The following ADIPOR2 variants were observed in gnomAD, a reference collection of about 807,000 sequenced individuals.
ADIPOR2 encodes the protein adiponectin receptor protein 2.
Under a neutral mutation model 40.9 loss-of-function variants are expected in ADIPOR2, and 18 were observed. That is an observed-to-expected ratio of 0.44 (90% CI 0.30 to 0.65). The LOEUF is 0.65. ADIPOR2 is among the 30% of genes least tolerant of loss of function. The probability of loss-of-function intolerance (pLI) is 0.09; values close to 1 mark genes in which losing one functional copy is unlikely to be tolerated. For missense variants in ADIPOR2, 283 were observed against 479.2 expected, an observed-to-expected ratio of 0.59 and a Z score of 3.82; for synonymous variants, 165 against 166.4, an observed-to-expected ratio of 0.99 and a Z score of 0.06.
chr12:1,779,542 C>T (rs1862672063), intron 4 of ADIPOR2, among the ~76,000 whole-genome samples: 1 of 150,492 alleles, frequency 6.6e-6, no homozygotes. Context: ...ACAGCAGATA[C>T]AGTACTTCTG....
intron 1 of ADIPOR2, among the ~76,000 whole-genome samples, chr12:1,712,807 G>A (rs566684906): frequency 3.2e-4 from 49 of 152,240 alleles, no homozygotes; most frequent in African/African-American, 1.0e-3. Context: ...CTTAGGGCGA[G>A]GATAAGCCAG....
intron 3 of ADIPOR2, among the ~76,000 whole-genome samples, chr12:1,773,895 A>T (rs1862536360): frequency 6.6e-6 from 1 of 152,148 alleles, no homozygotes; most frequent in Non-Finnish European, 1.5e-5. Flanking sequence ...ATTACTTTGG[A>T]CCAGGGTATG....
chr12:1,695,561 G>A (rs1332698259), intron 1 of ADIPOR2, among the ~76,000 whole-genome samples: 2 of 151,472 alleles, frequency 1.3e-5, no homozygotes, highest in Non-Finnish European at 2.9e-5. Flanking sequence ...TACTCAGGAG[G>A]CTGAGGCAGG....
At chr12:1,732,700 G>T (rs2094722899) in intron 1 of ADIPOR2, among the ~76,000 whole-genome samples, 2 of 151,910 alleles carry the variant, frequency 1.3e-5, no homozygotes, top group Non-Finnish European at 2.9e-5. Flanking sequence ...TTGTATTTAT[G>T]CATACACTTT....
intron 1 of ADIPOR2, among the ~76,000 whole-genome samples, chr12:1,738,254 G>C (rs1282291361): frequency 6.6e-6 from 1 of 151,100 alleles, no homozygotes; most frequent in East Asian, 1.9e-4. Context: ...GGTGGTATGT[G>C]CCTGTGGTCC....
intron 2 of ADIPOR2, among the ~76,000 whole-genome samples, chr12:1,765,264 C>T (rs575915289): frequency 1.3e-5 from 2 of 152,244 alleles, no homozygotes; most frequent in African/African-American, 4.8e-5. Context: ...GTTACACCTA[C>T]TTTATGAATA....
Position 1,699,356 on chromosome 12 carries a change from G to A in ADIPOR2, c.-87+8165G>A, listed in dbSNP as rs117096163. On this transcript the variant is annotated intron_variant, in intron 1 of 7. Coordinates refer to ENST00000357103, the MANE Select transcript of ADIPOR2 (RefSeq NM_024551.3). ...GTGCATGCTGGGTGCGGTCGCTCAG[G>A]CCTGTAATCCCAGCACTTTGGGACG... Among the ~76,000 whole-genome samples the A allele has an allele frequency of 2.6e-5, 4 of 152,280 alleles. No homozygotes were observed. In the East Asian group the frequency reaches 5.8e-4, roughly 22 times the overall value.
chr12:1,741,738 C>T (rs1358541988), intron 1 of ADIPOR2, among the ~76,000 whole-genome samples: 1 of 152,084 alleles, frequency 6.6e-6, no homozygotes, highest in Non-Finnish European at 1.5e-5. Context: ...AATGAAAAAG[C>T]CCTGGAGAGT....
At chr12:1,720,319 A>G (rs1453832716) in intron 1 of ADIPOR2, among the ~76,000 whole-genome samples, 2 of 152,158 alleles carry the variant, frequency 1.3e-5, no homozygotes, top group Admixed American at 1.3e-4. Flanking sequence ...TTCATGGAAG[A>G]CAATTTTTCC....
At chr12:1,715,588 A>G (rs772261448) in intron 1 of ADIPOR2, among the ~76,000 whole-genome samples, 29 of 152,116 alleles carry the variant, frequency 1.9e-4, no homozygotes, top group Admixed American at 6.5e-4. Context: ...CCTCTGGAGG[A>G]CACTACCACT....
intron 1 of ADIPOR2, among the ~76,000 whole-genome samples, chr12:1,693,597 G>A (rs1432390644): frequency 6.6e-6 from 1 of 151,202 alleles, no homozygotes; most frequent in Admixed American, 6.6e-5. Flanking sequence ...GCAATGGCAC[G>A]ATCTTGGCTC....
intron 1 of ADIPOR2, among the ~76,000 whole-genome samples, chr12:1,695,101 G>C (rs550122216): frequency 6.7e-6 from 1 of 149,500 alleles, no homozygotes; most frequent in Non-Finnish European, 1.5e-5. Context: ...CTGCAGCCTC[G>C]ACCTCCCGGG....
intron 2 of ADIPOR2, among the ~76,000 whole-genome samples, chr12:1,767,164 G>C (rs892804971): frequency 1.3e-5 from 2 of 151,348 alleles, no homozygotes; most frequent in Admixed American, 6.6e-5. Context: ...CCAGCTACTC[G>C]GGAGGCTGAG....
chr12:1,780,074 A>G (rs1248542913), intron 4 of ADIPOR2: 5 of 159,674 alleles, frequency 3.1e-5, no homozygotes, highest in Non-Finnish European at 1.4e-5. Flanking sequence ...CAAAAGCACA[A>G]TGGACCTTTG....
intron 1 of ADIPOR2, among the ~76,000 whole-genome samples, chr12:1,744,804 T>A (rs1008112987): frequency 6.6e-6 from 1 of 152,218 alleles, no homozygotes; most frequent in South Asian, 2.1e-4. Flanking sequence ...AAAATGGAAT[T>A]AAAAGATAAA....
intron 1 of ADIPOR2, among the ~76,000 whole-genome samples, chr12:1,699,036 C>T (rs2094644961): frequency 6.6e-6 from 1 of 152,190 alleles, no homozygotes; most frequent in Admixed American, 6.5e-5. Flanking sequence ...GGAGCTGCTT[C>T]ACCTATTTAC....
intron 1 of ADIPOR2, among the ~76,000 whole-genome samples, chr12:1,736,194 G>T (rs2094730193): frequency 6.6e-6 from 1 of 152,122 alleles, no homozygotes; most frequent in Non-Finnish European, 1.5e-5. Context: ...TGTACCTCTG[G>T]TAGAATTCGG....
intron 1 of ADIPOR2, among the ~76,000 whole-genome samples, chr12:1,744,668 T>G (rs866736639): frequency 1.3e-5 from 2 of 152,230 alleles, no homozygotes; most frequent in African/African-American, 4.8e-5. Context: ...TGCCTTATAC[T>G]TTCTGGTAAT....
intron 2 of ADIPOR2, among the ~76,000 whole-genome samples, chr12:1,771,022 A>G (rs1004775241): frequency 1.6e-4 from 24 of 152,314 alleles, no homozygotes; most frequent in African/African-American, 5.8e-4. Flanking sequence ...GGATGAGGAA[A>G]GCAATCTAAA....
Sources: allele counts gnomAD v4.1 joint callset (sites outside exome capture counted in the v4.1 genomes callset), GRCh38; gene constraint gnomAD v4.1.1; transcripts MANE v1.5; gene names NCBI Gene and HGNC (gene_info 2026-07-23, HGNC 2026-07-21).